The following KIRREL3 variants were observed in gnomAD, a reference collection of about 807,000 sequenced individuals.
KIRREL3 encodes kin of IRRE-like protein 3.
A neutral mutation model predicts 89.7 loss-of-function variants in KIRREL3; 36 were observed. That is an observed-to-expected ratio of 0.40 (90% CI 0.31 to 0.53). The LOEUF is 0.53. Ranked by LOEUF, KIRREL3 falls within the 20% of genes least tolerant of loss-of-function variation. The pLI is 0.49. For synonymous variants in KIRREL3, 445 were observed against 441.4 expected (o/e 1.01, Z -0.10); for missense variants, 864 against 1,056.6 (o/e 0.82, Z 2.53).
Position 126,489,991 on chromosome 11 carries a change from A to C in KIRREL3, c.434-16525T>G, listed in dbSNP as rs1175818158. Among the ~76,000 whole-genome samples the C allele has an allele frequency of 6.6e-6, 1 of 152,056 alleles. No homozygotes were observed. The highest frequency in any genetic ancestry group is 1.5e-5 in the Non-Finnish European group (1 of 68,016). ...AGTGCTGCATACGTTGGGGAAAATG[A>C]GACGTGTTGCTTGGAAGCAGCCCAT... On this transcript the variant is annotated intron_variant, in intron 4 of 16. Transcript: ENST00000525144. The surrounding 1 kb of genome is among the most constrained non-coding windows in gnomAD (Gnocchi z 5.5).
In KIRREL3 at chr11:126,429,979, C is replaced by T. The variant is rs924372966; in HGVS notation, c.1697-691G>A. Among the ~76,000 whole-genome samples, 2 of 151,128 alleles carry T rather than the reference C, an allele frequency of 1.3e-5. No individual in the cohort carries two copies. The highest frequency in any genetic ancestry group is 4.9e-5 in the African/African-American group (2 of 41,066). On this transcript the variant is annotated intron_variant, in intron 14 of 16. Transcript: ENST00000525144. The surrounding 1 kb of genome is among the most constrained non-coding windows in gnomAD (Gnocchi z 5.2). ...GTGAAACCCCGTCTCTATTAAAAAT[C>T]CAAAAATTAGCTGGGCGTGGTGGTG...
intron 2 of KIRREL3, among the ~76,000 whole-genome samples, chr11:126,552,653 C>T (rs564314136): frequency 2.0e-5 from 3 of 147,576 alleles, no homozygotes; most frequent in Non-Finnish European, 3.0e-5. Context: ...CTCTGCCTCC[C>T]GGGTTCAAGT....
intron 1 of KIRREL3, among the ~76,000 whole-genome samples, chr11:126,958,556 G>T (rs1023892071): frequency 2.6e-5 from 4 of 152,174 alleles, no homozygotes; most frequent in Non-Finnish European, 5.9e-5. Context: ...ATTCTATCCA[G>T]GGATATGCCT....
At chr11:126,798,343 TG>T (rs1348477233) in intron 1 of KIRREL3, among the ~76,000 whole-genome samples, 5 of 139,342 alleles carry the variant, frequency 3.6e-5, no homozygotes, top group Non-Finnish European at 7.7e-5. Context: ...TGCTGGCTGA[TG>T]TTCAGGGTGC....
At chr11:126,617,551 A>G (rs1434425779) in intron 1 of KIRREL3, among the ~76,000 whole-genome samples, 3 of 152,246 alleles carry the variant, frequency 2.0e-5, no homozygotes, top group Non-Finnish European at 2.9e-5. Flanking sequence ...TTCTTCCTTG[A>G]ATATTGCCAG....
intron 4 of KIRREL3, among the ~76,000 whole-genome samples, chr11:126,480,303 T>C (rs1957183298): frequency 6.6e-6 from 1 of 152,228 alleles, no homozygotes; most frequent in African/African-American, 2.4e-5. Context: ...ACAGAGAACA[T>C]TGTAAAAGGC....
chr11:126,737,109 G>T (rs77131004), intron 1 of KIRREL3, among the ~76,000 whole-genome samples: 1,838 of 152,316 alleles, frequency 0.012, 39 homozygotes, highest in African/African-American at 0.042. Context: ...GCCTGAGAGG[G>T]TGCTGAGTGG....
Position 126,969,673 on chromosome 11 carries a change from G to A in KIRREL3, c.55+30782C>T, listed in dbSNP as rs895007158. Among the ~76,000 whole-genome samples the A allele has an allele frequency of 2.6e-5, 4 of 152,148 alleles. No individual in the cohort carries two copies. The highest frequency in any genetic ancestry group is 4.4e-5 in the Non-Finnish European group (3 of 68,038). ...GAAAAGGCTCGGGTGAACTGTGATG[G>A]TAGCCATGATGCTTTTCCACGCCCT... On this transcript the variant is annotated intron_variant, in intron 1 of 16. Coordinates refer to ENST00000525144, the MANE Select transcript of KIRREL3 (RefSeq NM_032531.4). The surrounding 1 kb of genome is among the most constrained non-coding windows in gnomAD (Gnocchi z 4.9).
At chr11:126,974,834 T>A (rs929460598) in intron 1 of KIRREL3, among the ~76,000 whole-genome samples, 2 of 152,130 alleles carry the variant, frequency 1.3e-5, no homozygotes, top group African/African-American at 4.8e-5. Flanking sequence ...GCCTCCTGAG[T>A]AGCTGGGACT....
chr11:127,002,618 T>TG (rs1259502570), upstream of KIRREL3, among the ~76,000 whole-genome samples: 5 of 152,210 alleles, frequency 3.3e-5, no homozygotes, highest in Admixed American at 6.5e-5. Context: ...ATTAAGCCTA[T>TG]GGGGTTGTTG....
chr11:126,812,292 G>A lies in KIRREL3; in HGVS notation c.55+188163C>T, dbSNP rs2134426822. ...TCATTACTATTGTTTTGTAGATGTG[G>A]CTGGTGATAATAATGAGAAGGACTG... On this transcript the variant is annotated intron_variant, in intron 1 of 16. Transcript: ENST00000525144. This position sits in a 1 kb window ranked among gnomAD's most constrained non-coding sequence, Gnocchi z 5.2. Among the ~76,000 whole-genome samples, 1 of 152,230 alleles carries A rather than the reference G, an allele frequency of 6.6e-6. No individual in the cohort carries two copies. Among genetic ancestry groups the A allele is most frequent in the Admixed American group, 6.5e-5 (1 of 15,294 alleles).
intron 1 of KIRREL3, among the ~76,000 whole-genome samples, chr11:126,753,334 A>G (rs1398114494): frequency 6.6e-6 from 1 of 152,110 alleles, no homozygotes; most frequent in African/African-American, 2.4e-5. Context: ...GCCTTCCAGA[A>G]CCAGACAGGA....
rs1173929548 is a variant in KIRREL3 at position 126,441,725 on chromosome 11, C to T, written c.1253-1176G>A. Among the ~76,000 whole-genome samples the T allele has an allele frequency of 2.0e-5, 3 of 152,204 alleles. No individual in the cohort carries two copies. On this transcript the variant is annotated intron_variant, in intron 10 of 16. Transcript: ENST00000525144. The surrounding 1 kb of genome is among the most constrained non-coding windows in gnomAD (Gnocchi z 5.0). ...CAGATTTGCATTTCTATGAGTAGCTCTCAGCCAAGGGAGAAAAGGTACTGT... is the reference window on the plus strand; with the variant it reads ...CAGATTTGCATTTCTATGAGTAGCTTTCAGCCAAGGGAGAAAAGGTACTGT...
At chr11:126,735,966 T>G (rs1483171151) in intron 1 of KIRREL3, among the ~76,000 whole-genome samples, 1 of 152,172 alleles carries the variant, frequency 6.6e-6, no homozygotes, top group Non-Finnish European at 1.5e-5. Flanking sequence ...TCAGCAGAGG[T>G]CTGGGTTTAT....
At chr11:126,707,234 C>A (rs1468727551) in intron 1 of KIRREL3, among the ~76,000 whole-genome samples, 1 of 143,086 alleles carries the variant, frequency 7.0e-6, no homozygotes, top group African/African-American at 2.6e-5. Flanking sequence ...ACATAAGACA[C>A]CTTGTCCATG....
At chr11:126,514,675 C>T (rs74790282) in intron 4 of KIRREL3, among the ~76,000 whole-genome samples, 1,967 of 152,348 alleles carry the variant, frequency 0.013, 38 homozygotes, top group African/African-American at 0.044. Flanking sequence ...TTATTTCCCT[C>T]ATTTTACACA....
chr11:126,868,356 G>T (rs1944993096), intron 1 of KIRREL3, among the ~76,000 whole-genome samples: 1 of 152,170 alleles, frequency 6.6e-6, no homozygotes, highest in Non-Finnish European at 1.5e-5. Context: ...GATCGATGTG[G>T]GTCGTCAGCA....
rs1001932590 is a variant in KIRREL3 at position 126,508,487 on chromosome 11, C to T, written c.433+12828G>A. On this transcript the variant is annotated intron_variant, in intron 4 of 16. Transcript: ENST00000525144. The surrounding 1 kb of genome is among the most constrained non-coding windows in gnomAD (Gnocchi z 4.9). ...GGCTGCCAGGAAGGGTTTTTGGAAG[C>T]CTTGGGTTTGCTCTTCGAGCCGACT... Among the ~76,000 whole-genome samples, 1 of 152,078 alleles carries T rather than the reference C, an allele frequency of 6.6e-6. No individual in the cohort carries two copies. Among genetic ancestry groups the T allele is most frequent in the Non-Finnish European group, 1.5e-5 (1 of 68,022 alleles).
In KIRREL3 at chr11:126,427,192, T is replaced by C. The variant is rs1415847151; in HGVS notation, c.1807-1468A>G. Among the ~76,000 whole-genome samples the C allele has an allele frequency of 6.6e-6, 1 of 152,200 alleles. No homozygotes were observed. Among genetic ancestry groups the C allele is most frequent in the Non-Finnish European group, 1.5e-5 (1 of 68,042 alleles). On this transcript the variant is annotated intron_variant, in intron 15 of 16. Coordinates refer to ENST00000525144, the MANE Select transcript of KIRREL3 (RefSeq NM_032531.4). This position sits in a 1 kb window ranked among gnomAD's most constrained non-coding sequence, Gnocchi z 5.3. ...AGCTTAAGTATAGAGACGTCATCCC[T>C]TCTCACATCTAGGCTGTGGTTTCCT... is the stretch of plus-strand genomic sequence containing the variant.
Sources: allele counts gnomAD v4.1 joint callset (sites outside exome capture counted in the v4.1 genomes callset), GRCh38; gene constraint gnomAD v4.1.1; non-coding constraint Gnocchi (gnomAD v3.1); transcripts MANE v1.5; gene names NCBI Gene and HGNC (gene_info 2026-07-23, HGNC 2026-07-21).